Variants in TCF3 observed in about 807,000 individuals in gnomAD.
TCF3 encodes the protein transcription factor E2-alpha.
A neutral mutation model predicts 72.3 loss-of-function variants in TCF3; 54 were observed. The ratio of observed to expected loss-of-function variants is 0.75; its 90% CI spans 0.60 to 0.94. TCF3 has a LOEUF of 0.94. Among genes scored for constraint, TCF3 ranks in the 40% least tolerant of loss-of-function variants. The pLI, the probability that TCF3 is intolerant of heterozygous loss-of-function variation, is 0.00. For missense variants in TCF3, 1,078 were observed against 934.4 expected (o/e 1.15, Z -2.00); for synonymous variants, 525 against 412.6 (o/e 1.27, Z -3.30).
intron 3 of TCF3, among the ~76,000 whole-genome samples, chr19:1,638,139 A>G (rs979205776): frequency 6.6e-6 from 1 of 152,214 alleles, no homozygotes; most frequent in Non-Finnish European, 1.5e-5. Flanking sequence ...GTAACAAGAC[A>G]GGCACACAAG....
intron 7 of TCF3, 128 bp downstream of exon 7, chr19:1,625,448 C>T (rs994850448): frequency 3.6e-5 from 45 of 1,235,168 alleles, no homozygotes; most frequent in African/African-American, 1.9e-4. Context: ...GAGCGCCCGA[C>T]GTCCAGCCAG....
At chr19:1,630,989 C>T (rs1288870670) in intron 5 of TCF3, among the ~76,000 whole-genome samples, 1 of 152,244 alleles carries the variant, frequency 6.6e-6, no homozygotes, top group African/African-American at 2.4e-5. Flanking sequence ...TCAGCCCCAC[C>T]CAGCCGCAGA....
chr19:1,626,918 G>A (rs1436847073), intron 6 of TCF3, among the ~76,000 whole-genome samples: 1 of 152,098 alleles, frequency 6.6e-6, no homozygotes, highest in African/African-American at 2.4e-5. Context: ...CCCTGGGGGT[G>A]CCCAGCACCG....
At chr19:1,647,873 C>A (rs920650337) in intron 2 of TCF3, among the ~76,000 whole-genome samples, 1 of 152,202 alleles carries the variant, frequency 6.6e-6, no homozygotes, top group Non-Finnish European at 1.5e-5. Context: ...AGAAATGGAC[C>A]GAGGGCTCTG....
rs150588217 is a variant in TCF3, at chr19:1,647,552, C to CT, written c.73-1126dup. Among the ~76,000 whole-genome samples the CT allele has an allele frequency of 2.5e-4, 38 of 152,328 alleles. No homozygotes were observed. The East Asian group carries it at 7.0e-3, about 28-fold the overall frequency. On this transcript the variant is annotated intron_variant, in intron 2 of 18. Transcript: ENST00000262965. ...CCTGGCCCTGGAGAGGAAGAACGGT[C>CT]TTGCGGGTAGGGGTGGCACCCGCGC...
At position 1,610,785 on chromosome 19, in the gene TCF3, C is replaced by T. The variant is rs137923871; in HGVS notation, c.*922G>A. ...GTCCCCTTCCTGAGGGGAGAGGATG[C>T]GGCAGGGAAGCCCCAAGGTGCCTTC... On this transcript the variant is annotated 3_prime_UTR_variant, in exon 19 of 19. Transcript: ENST00000262965. The T allele has an allele frequency of 3.1e-3, 713 of 231,704 alleles. 1 individual carries two copies. Among genetic ancestry groups the T allele is most frequent in the African/African-American group, 0.011 (500 of 45,310 alleles). 14.4% of individuals were successfully genotyped at this position (231,704 alleles called of 1,614,324 possible).
intron 2 of TCF3, among the ~76,000 whole-genome samples, chr19:1,649,577 A>G (rs2066675166): frequency 6.6e-6 from 1 of 151,964 alleles, no homozygotes; most frequent in Admixed American, 6.6e-5. Context: ...CTCCTAGCTA[A>G]TTTTTTGAGT....
intron 16 of TCF3, 108 bp downstream of exon 16, chr19:1,619,003 C>G: frequency 6.5e-7 from 1 of 1,538,948 alleles, no homozygotes; most frequent in Non-Finnish European, 8.7e-7. Context: ...ACCAGGTGCC[C>G]CCACGGTGAC....
intron 3 of TCF3, among the ~76,000 whole-genome samples, chr19:1,635,400 C>T (rs2064258198): frequency 6.6e-6 from 1 of 152,132 alleles, no homozygotes; most frequent in African/African-American, 2.4e-5. Context: ...TTCTCCCTCC[C>T]TCTACCCTCT....
Position 1,621,155 on chromosome 19 carries a change from G to T in TCF3, c.992C>A (p.Ala331Asp). Residue 331 changes from alanine to aspartate, a missense_variant, in exon 12 of 19, where the codon GCC (alanine) becomes GAC (aspartate). Transcript: ENST00000262965. Reference protein sequence around the residue: ...RGTTAGSSGDALGKALASIYS... With the variant: ...RGTTAGSSGDDLGKALASIYS... ...CACCGAGGCCAGTGCTTTGCCGAGG[G>T]CATCCCCGGAGCTGCCAGCTGTGGT... The T allele has an allele frequency of 6.5e-7, 1 of 1,540,136 alleles. No individual in the cohort carries two copies.
In TCF3 at chr19:1,613,548, C is replaced by T. The variant is rs573977448; in HGVS notation, c.1823-1699G>A. Reference sequence around the variant, plus strand: ...TTTCCCTGCTCAGAGCAGCCACTTGCGGGGTGATGGACAGCTAGGCCTGGC... The same window carrying T: ...TTTCCCTGCTCAGAGCAGCCACTTGTGGGGTGATGGACAGCTAGGCCTGGC... On this transcript the variant is annotated intron_variant, in intron 18 of 18. Transcript: ENST00000262965. Among the ~76,000 whole-genome samples the T allele has an allele frequency of 1.1e-4, 16 of 152,234 alleles. No homozygotes were observed. The South Asian group carries it at 1.9e-3, about 18-fold the overall frequency.
At chr19:1,618,354 G>A (rs903184768) in intron 16 of TCF3, among the ~76,000 whole-genome samples, 1 of 152,088 alleles carries the variant, frequency 6.6e-6, no homozygotes, top group African/African-American at 2.4e-5. Context: ...GCCACTCATA[G>A]TCTGTCCTCC....
At position 1,625,698 on chromosome 19, in the gene TCF3, AG is replaced by A; in HGVS notation, c.376del (p.Leu126CysfsTer18). 1.3e-6 allele frequency: 2 copies of A among 1,514,228 alleles called. No homozygotes were observed. The highest frequency in any genetic ancestry group is 1.3e-5 in the South Asian group (1 of 79,238). 93.8% of individuals were successfully genotyped at this position (1,514,228 alleles called of 1,614,324 possible). A position where few individuals can be genotyped will look rare whatever the true frequency, so the allele number is the denominator to read the frequency against. On this transcript the variant is annotated frameshift_variant, in exon 7 of 19. Coordinates refer to ENST00000262965, the MANE Select transcript of TCF3 (RefSeq NM_003200.5). LOFTEE classifies it high-confidence loss of function. ...GCTGTTGAGGGCCAGCTCGCCTGAC[AG>A]GAAGCCAGCCTGGTGGGGAGCGGAT... ...GVGGLTQAGF[L>X]SGELALNSPG...
At position 1,610,422 on chromosome 19, in the gene TCF3, G is replaced by A. The variant is rs546660179; in HGVS notation, c.*1285C>T. The A allele has an allele frequency of 1.6e-4, 37 of 229,896 alleles. No individual in the cohort carries two copies. The highest frequency in any genetic ancestry group is 7.1e-4 in the African/African-American group (32 of 45,202). 14.2% of individuals were successfully genotyped at this position (229,896 alleles called of 1,614,324 possible). ...CCCTCTGGTGTAATGGGGACATGGT[G>A]GGGTGGGGTGGGGGGTGTCCTGTGC... is the stretch of plus-strand genomic sequence containing the variant. On this transcript the variant is annotated 3_prime_UTR_variant, in exon 19 of 19. Transcript: ENST00000262965.
In TCF3 at chr19:1,615,664, G is replaced by C. The variant is rs1423156832; in HGVS notation, c.1586+22C>G. ...CGTCCTGATGGGGTGAGGGTGGGGA[G>C]TGCCGAGGGGTGGGTTGGCACCTGG... is the stretch of plus-strand genomic sequence containing the variant. On this transcript the variant is annotated intron_variant, in intron 17 of 18. Transcript: ENST00000262965. This position sits in a 1 kb window ranked among gnomAD's most constrained non-coding sequence, Gnocchi z 7.3. The C allele has an allele frequency of 6.2e-7, 1 of 1,613,066 alleles. No homozygotes were observed. The highest frequency in any genetic ancestry group is 1.3e-5 in the African/African-American group (1 of 75,012).
At position 1,618,784 on chromosome 19, in the gene TCF3, C is replaced by T. The variant is rs561442890; in HGVS notation, c.1450+327G>A. On this transcript the variant is annotated intron_variant, in intron 16 of 18. Coordinates refer to ENST00000262965, the MANE Select transcript of TCF3 (RefSeq NM_003200.5). ...TCTCCCTGGCACCTGTACTGTGCAGCGAGCTCCTGGTCTGTCTCCCCTGAG... is the reference window on the plus strand; with the variant it reads ...TCTCCCTGGCACCTGTACTGTGCAGTGAGCTCCTGGTCTGTCTCCCCTGAG... Among the ~76,000 whole-genome samples the T allele has an allele frequency of 4.6e-5, 7 of 152,354 alleles. No homozygotes were observed. In the East Asian group the frequency reaches 5.8e-4, roughly 13 times the overall value.
At chr19:1,624,642 A>C (rs1021038482) in intron 7 of TCF3, among the ~76,000 whole-genome samples, 7 of 152,202 alleles carry the variant, frequency 4.6e-5, no homozygotes, top group Non-Finnish European at 1.0e-4. Context: ...ACTCGCCTAC[A>C]GGATAAAATC....
chr19:1,632,488 A>G, intron 3 of TCF3, 83 bp from the exon 4 acceptor site: 1 of 1,402,338 alleles, frequency 7.1e-7, no homozygotes, highest in South Asian at 1.3e-5. Flanking sequence ...TCAGGGGCAA[A>G]CCTCAGTGGA....
Position 1,639,083 on chromosome 19 carries a change from G to A in TCF3, c.146-6678C>T, listed in dbSNP as rs967025764. Among the ~76,000 whole-genome samples, 11 of 152,302 alleles carry A rather than the reference G, an allele frequency of 7.2e-5. No homozygotes were observed. The East Asian group carries it at 1.5e-3, about 21-fold the overall frequency. On this transcript the variant is annotated intron_variant, in intron 3 of 18. Coordinates refer to ENST00000262965, the MANE Select transcript of TCF3 (RefSeq NM_003200.5). ...TTCTGAGACAGAGTCTCGCTGTGTC[G>A]CCCAGGGTGGAGTGCGGTGGCGCGA...
Sources: gnomAD v4.1 joint callset for allele counts (sites outside exome capture counted in the v4.1 genomes callset) on GRCh38, gnomAD v4.1.1 for gene constraint, Gnocchi (gnomAD v3.1) non-coding constraint, MANE v1.5 for transcripts, NCBI Gene and HGNC (gene_info 2026-07-23, HGNC 2026-07-21) for gene names.